CEACAM7: variants seen among roughly 807,000 people sequenced by gnomAD.
The protein encoded by CEACAM7 is cell adhesion molecule CEACAM7.
Under a neutral mutation model 25.7 loss-of-function variants are expected in CEACAM7, and 24 were observed. That is an observed-to-expected ratio of 0.93 (90% CI 0.68 to 1.31). The LOEUF (loss-of-function observed/expected upper bound fraction) is 1.31, where lower values mean the gene tolerates loss of function less well. CEACAM7 is among the 40% of genes most tolerant of loss of function. The pLI, the probability that CEACAM7 is intolerant of heterozygous loss-of-function variation, is 0.00. For missense variants in CEACAM7, 324 were observed against 330.1 expected (o/e 0.98, Z 0.14); for synonymous variants, 144 against 129.4 (o/e 1.11, Z -0.77).
chr19:41,684,204 G>T (rs1455445331), intron 2 of CEACAM7, 141 bp from the exon 3 acceptor site: 2 of 839,858 alleles, frequency 2.4e-6, no homozygotes, highest in Non-Finnish European at 3.8e-6. Context: ...TGTATCACAA[G>T]ACAGATGCAC....
At chr19:41,680,924 T>C (rs2072168390) in intron 3 of CEACAM7, among the ~76,000 whole-genome samples, 1 of 151,796 alleles carries the variant, frequency 6.6e-6, no homozygotes, top group Non-Finnish European at 1.5e-5. Flanking sequence ...CAAATTTGAC[T>C]TCATAAAAAA....
intron 2 of CEACAM7, among the ~76,000 whole-genome samples, chr19:41,684,296 G>T (rs1339353071): frequency 6.6e-6 from 1 of 152,198 alleles, no homozygotes; most frequent in African/African-American, 2.4e-5. Flanking sequence ...AAATTGTGCA[G>T]CAGCGTTGGC....
intron 2 of CEACAM7, among the ~76,000 whole-genome samples, chr19:41,684,796 A>C (rs2122730580): frequency 6.6e-6 from 1 of 152,340 alleles, no homozygotes; most frequent in East Asian, 1.9e-4. Flanking sequence ...TATGTTAGGA[A>C]ATTTACAAAG....
intron 3 of CEACAM7, among the ~76,000 whole-genome samples, chr19:41,681,395 AT>A (rs1216099628): frequency 6.6e-6 from 1 of 152,214 alleles, no homozygotes; most frequent in Admixed American, 6.5e-5. Flanking sequence ...TAAGCAAAGC[AT>A]TACCATTTGA....
In CEACAM7 at chr19:41,686,940, T is replaced by C. The variant is rs113395236; in HGVS notation, c.346A>G (p.Asn116Asp). The change falls in exon 2 of 5, where the codon AAT becomes GAT. Residue 116 changes from asparagine (N) to aspartate (D), a missense_variant. Transcript: ENST00000401731. Reference protein sequence around the residue: ...GTLLIQNVTHNDAGIYTLHVI... With the variant: ...GTLLIQNVTHDDAGIYTLHVI... ...TGTAGGGTATAGATTCCTGCGTCAT[T>C]GTGGGTGACGTTCTGGATCAGCAGG... The C allele has an allele frequency of 3.3e-3, 5,233 of 1,602,712 alleles. 109 individuals carry two copies. In the African/African-American group the frequency reaches 0.044, roughly 13 times the overall value.
Position 41,673,642 on chromosome 19 carries a change from T to C in CEACAM7, c.*1134A>G, listed in dbSNP as rs1811729034. ...CAGTGTGAGTATATGGCATTTAGCA[T>C]GACTGGCTCCATTCTGGAGTCACCA... On this transcript the variant is annotated 3_prime_UTR_variant, in exon 5 of 5. Coordinates refer to ENST00000401731, the MANE Select transcript of CEACAM7 (RefSeq NM_001291485.2). The C allele has an allele frequency of 6.6e-6, 1 of 152,234 alleles. No individual in the cohort carries two copies. Among genetic ancestry groups the C allele is most frequent in the South Asian group, 2.1e-4 (1 of 4,830 alleles). The allele number at this position is 152,234 out of a possible 1,614,324, so 9.4% of individuals were successfully genotyped here. A position where few individuals can be genotyped will look rare whatever the true frequency, so the allele number is the denominator to read the frequency against.
At chr19:41,686,712 C>T (rs2072228626) in intron 2 of CEACAM7, 147 bp downstream of exon 2, 1 of 811,846 alleles carries the variant, frequency 1.2e-6, no homozygotes, top group African/African-American at 1.7e-5. Context: ...AGTTTGTCTC[C>T]CCCATGTGTG....
At chr19:41,678,892 C>T (rs936611368) in intron 3 of CEACAM7, among the ~76,000 whole-genome samples, 3 of 152,054 alleles carry the variant, frequency 2.0e-5, no homozygotes, top group African/African-American at 7.2e-5. Flanking sequence ...GAATCTTGTG[C>T]AAGAAATGTA....
In CEACAM7 at chr19:41,686,914, G is replaced by T. The variant is rs138765616; in HGVS notation, c.372C>A (p.His124Gln). Reference protein sequence around the residue: ...THNDAGIYTLHVIKENLVNEE... With the variant: ...THNDAGIYTLQVIKENLVNEE... ...CATTCACAAGATTTTCTTTTATAACGTGTAGGGTATAGATTCCTGCGTCAT... is the reference window on the plus strand; with the variant it reads ...CATTCACAAGATTTTCTTTTATAACTTGTAGGGTATAGATTCCTGCGTCAT... Residue 124 changes from histidine to glutamine, a missense_variant, in exon 2 of 5, where the codon CAC (histidine) becomes CAA (glutamine). Coordinates refer to ENST00000401731, the MANE Select transcript of CEACAM7 (RefSeq NM_001291485.2). 3.8e-6 allele frequency: 6 copies of T among 1,565,240 alleles called. No individual in the cohort carries two copies. The highest frequency in any genetic ancestry group is 4.3e-6 in the Non-Finnish European group (5 of 1,159,240).
At chr19:41,676,109 T>A (rs1196158015) in intron 4 of CEACAM7, among the ~76,000 whole-genome samples, 16 of 152,236 alleles carry the variant, frequency 1.1e-4, no homozygotes, top group African/African-American at 3.9e-4. Context: ...ACCATTGATT[T>A]AAGCCCAAGT....
At position 41,681,791 on chromosome 19, in the gene CEACAM7, A is replaced by T. The variant is rs1430969427; in HGVS notation, c.706+1994T>A. On this transcript the variant is annotated intron_variant, in intron 3 of 4. Coordinates refer to ENST00000401731, the MANE Select transcript of CEACAM7 (RefSeq NM_001291485.2). ...TAATAAAATAGTCAATTACAGACAG[A>T]CAGAAAGTAGAATGATGGCTACCAG... 3.3e-5 allele frequency among the ~76,000 whole-genome samples: 5 copies of T among 152,204 alleles called. No individual in the cohort carries two copies. The South Asian group carries it at 6.2e-4, about 19-fold the overall frequency.
chr19:41,677,331 C>T (rs901860362), intron 4 of CEACAM7, 45 bp downstream of exon 4: 1 of 1,036,996 alleles, frequency 9.6e-7, no homozygotes, highest in Non-Finnish European at 1.5e-6. Flanking sequence ...GCATGGCAGT[C>T]AGCCCTGCAG....
rs1050147957 is a variant in CEACAM7 at position 41,683,927 on chromosome 19, G to A, written c.564C>T (p.Val188=). Residue 188 remains valine, a synonymous_variant, in exon 3 of 5, where the codon GTC becomes GTT. Transcript: ENST00000401731. ...LWWVNNQSLL[V]SPRLLLSTDN... ...CAGTGGAGAGCAGCAGCCTGGGACT[G>A]ACCAGGAGGCTCTGATTGTTTACCC... The A allele has an allele frequency of 1.2e-6, 2 of 1,614,116 alleles. No individual in the cohort carries two copies. Among genetic ancestry groups the A allele is most frequent in the African/African-American group, 2.7e-5 (2 of 74,938 alleles).
rs551404835 is a variant in CEACAM7, at chr19:41,685,381, C to A, written c.428-1318G>T. Among the ~76,000 whole-genome samples, 3 of 152,128 alleles carry A rather than the reference C, an allele frequency of 2.0e-5. No homozygotes were observed. In the East Asian group the frequency reaches 5.8e-4, roughly 29 times the overall value. On this transcript the variant is annotated intron_variant, in intron 2 of 4. Coordinates refer to ENST00000401731, the MANE Select transcript of CEACAM7 (RefSeq NM_001291485.2). ...GTCTTGAACTCCTGGGCTCAAGACA[C>A]CCTCCTGTCTCAGTCTCCCACTGGG...
chr19:41,678,717 A>G (rs1471448508), intron 3 of CEACAM7, among the ~76,000 whole-genome samples: 1 of 152,230 alleles, frequency 6.6e-6, no homozygotes, highest in Non-Finnish European at 1.5e-5. Flanking sequence ...GGCTAATAAT[A>G]ATGGTAGCTT....
rs1265628107 is a variant in CEACAM7 at position 41,673,929 on chromosome 19, G to C, written c.*847C>G. ...AGGAGGATCACACCAAGAGTTTGAA[G>C]TATGATCCATAGGCAGAGACCCCAT... On this transcript the variant is annotated 3_prime_UTR_variant, in exon 5 of 5. Transcript: ENST00000401731. 6.6e-6 allele frequency: 1 copy of C among 152,196 alleles called. No individual in the cohort carries two copies. Among genetic ancestry groups the C allele is most frequent in the Admixed American group, 6.5e-5 (1 of 15,286 alleles). 9.4% of individuals were successfully genotyped at this position (152,196 alleles called of 1,614,324 possible). A position where few individuals can be genotyped will look rare whatever the true frequency, so the allele number is the denominator to read the frequency against.
At chr19:41,677,534 G>C (rs782084476) in intron 3 of CEACAM7, 31 bp from the exon 4 acceptor site, 5 of 1,550,928 alleles carry the variant, frequency 3.2e-6, no homozygotes, top group Non-Finnish European at 4.4e-6. Context: ...AAGGAATGAA[G>C]TTGATCTTAT....
chr19:41,687,050 A>C lies in CEACAM7; in HGVS notation c.236T>G (p.Ile79Ser). The part of the protein sequence containing the change: ...KGERVHANYR[I>S]IGYVKNISQE... ...ACTTATATTTTTTACATATCCTATA[A>C]TTCGATAGTTGGCATGCACCCTTTC... The change falls in exon 2 of 5, where the codon ATT becomes AGT. Residue 79 changes from isoleucine to serine, a missense_variant. Transcript: ENST00000401731. The C allele has an allele frequency of 6.2e-7, 1 of 1,614,038 alleles. No homozygotes were observed. Among genetic ancestry groups the C allele is most frequent in the African/African-American group, 1.3e-5 (1 of 74,982 alleles).
At position 41,681,072 on chromosome 19, in the gene CEACAM7, G is replaced by A. The variant is rs1339974169; in HGVS notation, c.706+2713C>T. Among the ~76,000 whole-genome samples, 5 of 152,056 alleles carry A rather than the reference G, an allele frequency of 3.3e-5. 1 individual carries two copies. The highest frequency in any genetic ancestry group is 7.4e-5 in the Non-Finnish European group (5 of 68,002). On this transcript the variant is annotated intron_variant, in intron 3 of 4. Transcript: ENST00000401731. ...TATAAAGAACTAATATAACTCAACA[G>A]CAAAAACCCAGAAACCCAATTTAAA... is the stretch of plus-strand genomic sequence containing the variant.
Sources: gnomAD v4.1 joint callset for allele counts (sites outside exome capture counted in the v4.1 genomes callset) on GRCh38, gnomAD v4.1.1 for gene constraint, MANE v1.5 for transcripts, NCBI Gene and HGNC (gene_info 2026-07-23, HGNC 2026-07-21) for gene names.